The following EPAS1 variants were observed in gnomAD, a reference collection of about 807,000 sequenced individuals.
EPAS1 encodes the protein endothelial PAS domain-containing protein 1.
A neutral mutation model predicts 87.9 loss-of-function variants in EPAS1; 23 were observed. The ratio of observed to expected loss-of-function variants is 0.26; its 90% confidence interval spans 0.19 to 0.37. The LOEUF (loss-of-function observed/expected upper bound fraction) is 0.37. Among genes scored for constraint, EPAS1 ranks in the 10% least tolerant of loss-of-function variants. EPAS1 has a pLI of 1.00. For synonymous variants in EPAS1, 508 were observed against 444.3 expected (o/e 1.14, Z -1.80); for missense variants, 1,138 against 1,120.7 (o/e 1.02, Z -0.22).
At chr2:46,350,100 C>T (rs1048084422) in intron 2 of EPAS1, among the ~76,000 whole-genome samples, 6 of 152,146 alleles carry the variant, frequency 3.9e-5, no homozygotes, top group Non-Finnish European at 7.4e-5. Flanking sequence ...TTATTATGAA[C>T]AAATATATTG....
At chr2:46,356,615 C>A (rs993538507) in intron 3 of EPAS1, 109 bp from the exon 4 acceptor site, 4 of 896,538 alleles carry the variant, frequency 4.5e-6, no homozygotes, top group East Asian at 2.4e-5. Flanking sequence ...TGAGAAAACC[C>A]AATTCAGTCT....
chr2:46,319,657 A>C (rs1438763829), intron 1 of EPAS1, among the ~76,000 whole-genome samples: 1 of 152,188 alleles, frequency 6.6e-6, no homozygotes, highest in Non-Finnish European at 1.5e-5. Context: ...GCATAGATTT[A>C]CAGTAAACTT....
intron 1 of EPAS1, among the ~76,000 whole-genome samples, chr2:46,336,816 T>C (rs1177491042): frequency 2.0e-5 from 3 of 152,210 alleles, no homozygotes; most frequent in African/African-American, 7.2e-5. Context: ...CAGATCCTAC[T>C]GAGCCTGCAC....
In EPAS1 at chr2:46,380,840, C is replaced by T; in HGVS notation, c.2045+123C>T. The T allele has an allele frequency of 6.6e-7, 1 of 1,517,850 alleles. No homozygotes were observed. Among genetic ancestry groups the T allele is most frequent in the Non-Finnish European group, 9.0e-7 (1 of 1,114,362 alleles). The allele number at this position is 1,517,850 out of a possible 1,614,324, so 94.0% of individuals were successfully genotyped here. On this transcript the variant is annotated intron_variant, in intron 12 of 15. Coordinates refer to ENST00000263734, the MANE Select transcript of EPAS1 (RefSeq NM_001430.5). This position sits in a 1 kb window ranked among gnomAD's most constrained non-coding sequence, Gnocchi z 4.4. ...CAGCCATCTGATACCCCATTTAGCC[C>T]TTCTCTGAGCTCAGACTTTGGGGAA...
At chr2:46,312,753 C>A (rs931081659) in intron 1 of EPAS1, among the ~76,000 whole-genome samples, 3 of 152,118 alleles carry the variant, frequency 2.0e-5, no homozygotes, top group Non-Finnish European at 4.4e-5. Context: ...TGCCCATACC[C>A]TGAGATGTGA....
intron 1 of EPAS1, among the ~76,000 whole-genome samples, chr2:46,322,128 G>C (rs928691482): frequency 1.3e-5 from 2 of 152,076 alleles, no homozygotes; most frequent in African/African-American, 4.8e-5. Flanking sequence ...TCTTCTTGGG[G>C]GAGGAAATCT....
chr2:46,369,364 C>T (rs1042761515), intron 6 of EPAS1, among the ~76,000 whole-genome samples: 1 of 152,160 alleles, frequency 6.6e-6, no homozygotes, highest in African/African-American at 2.4e-5. Context: ...ATTTATACTG[C>T]CTTCTACTAG....
In EPAS1 at chr2:46,376,531, C is replaced by A. The variant is rs771240354; in HGVS notation, c.1035-8C>A. ...GGAAAGTCTGAATGGCTCTTTCCCC[C>A]CCATTAGTGAGATTGAGAAGAATGA... On this transcript the variant is annotated splice_region_variant and splice_polypyrimidine_tract_variant and intron_variant, in intron 8 of 15. Transcript: ENST00000263734. The A allele has an allele frequency of 5.0e-6, 8 of 1,613,586 alleles. No homozygotes were observed. The African/African-American group carries it at 8.0e-5, about 16-fold the overall frequency.
chr2:46,366,120 G>A (rs1252810400), intron 6 of EPAS1, among the ~76,000 whole-genome samples: 4 of 152,250 alleles, frequency 2.6e-5, no homozygotes, highest in African/African-American at 7.2e-5. Flanking sequence ...GTCAGGCACC[G>A]TGGCGCTGCA....
chr2:46,369,093 C>T (rs189726224), intron 6 of EPAS1, among the ~76,000 whole-genome samples: 1 of 152,264 alleles, frequency 6.6e-6, no homozygotes, highest in East Asian at 1.9e-4. Flanking sequence ...ATCTGAGCTG[C>T]CTATTAGAGT....
intron 2 of EPAS1, among the ~76,000 whole-genome samples, chr2:46,349,084 G>A (rs1288870786): frequency 6.6e-6 from 1 of 152,184 alleles, no homozygotes; most frequent in East Asian, 1.9e-4. Flanking sequence ...GACAGCAAGA[G>A]CATTTTGTAA....
Position 46,347,979 on chromosome 2 carries a change from G to GT in EPAS1, c.217+917dup, listed in dbSNP as rs1363036114. On this transcript the variant is annotated intron_variant, in intron 2 of 15. Coordinates refer to ENST00000263734, the MANE Select transcript of EPAS1 (RefSeq NM_001430.5). This position sits in a 1 kb window ranked among gnomAD's most constrained non-coding sequence, Gnocchi z 4.2. ...GCACTCAGGGAGGGAAGGTTCTTTT[G>GT]TGGTTGTTTTTCAGTTTTCCGGAGT... Among the ~76,000 whole-genome samples, 3 of 152,162 alleles carry GT rather than the reference G, an allele frequency of 2.0e-5. No homozygotes were observed. Among genetic ancestry groups the GT allele is most frequent in the African/African-American group, 7.2e-5 (3 of 41,438 alleles).
intron 6 of EPAS1, among the ~76,000 whole-genome samples, chr2:46,364,359 T>C (rs17035068): frequency 0.02 from 3,012 of 152,118 alleles, 91 homozygotes; most frequent in African/African-American, 0.067. Context: ...GTCTTATATA[T>C]ACTGAGACCA....
rs1684711212 is a variant in EPAS1 at position 46,375,179 on chromosome 2, A to T, written c.887-511A>T. 3.7e-5 allele frequency among the ~76,000 whole-genome samples: 2 copies of T among 53,844 alleles called. No individual in the cohort carries two copies. Among genetic ancestry groups the T allele is most frequent in the African/African-American group, 1.1e-4 (2 of 18,688 alleles). The allele number at this position is 53,844 out of a possible 152,430, so 35.3% of individuals were successfully genotyped here. On this transcript the variant is annotated intron_variant, in intron 7 of 15. Coordinates refer to ENST00000263734, the MANE Select transcript of EPAS1 (RefSeq NM_001430.5). This position sits in a 1 kb window ranked among gnomAD's most constrained non-coding sequence, Gnocchi z 4.1. The stretch of plus-strand genomic sequence containing the variant: ...CAGGGTATTGGTGGTGGGTCTGCTG[A>T]AAAAAAAAAACAAAAAAAAACAAAA...
At chr2:46,376,795 G>T in intron 9 of EPAS1, 42 bp downstream of exon 9, 1 of 1,605,390 alleles carries the variant, frequency 6.2e-7, no homozygotes, top group Non-Finnish European at 8.5e-7. Flanking sequence ...GAACCCCGTT[G>T]GGGCTGGGAA....
intron 1 of EPAS1, among the ~76,000 whole-genome samples, chr2:46,327,188 C>T (rs886647351): frequency 5.3e-5 from 8 of 152,050 alleles, no homozygotes; most frequent in African/African-American, 1.5e-4. Flanking sequence ...TCTAAAGTGC[C>T]GTGATTTCAT....
At position 46,347,171 on chromosome 2, in the gene EPAS1, G is replaced by A. The variant is rs1047541878; in HGVS notation, c.217+108G>A. 1.1e-5 allele frequency: 14 copies of A among 1,242,904 alleles called. No individual in the cohort carries two copies. The African/African-American group carries it at 1.9e-4, about 17-fold the overall frequency. The allele number at this position is 1,242,904 out of a possible 1,614,324, so 77.0% of individuals were successfully genotyped here. On this transcript the variant is annotated intron_variant, in intron 2 of 15. Coordinates refer to ENST00000263734, the MANE Select transcript of EPAS1 (RefSeq NM_001430.5). The surrounding 1 kb of genome is among the most constrained non-coding windows in gnomAD (Gnocchi z 4.2). Reference sequence around the variant, plus strand: ...AGAGCTGGAAAGTCACCCCACTACAGAACTTTCACCCACAGAAACACCATC... The same window carrying A: ...AGAGCTGGAAAGTCACCCCACTACAAAACTTTCACCCACAGAAACACCATC...
At position 46,381,322 on chromosome 2, in the gene EPAS1, G is replaced by A. The variant is rs901987853; in HGVS notation, c.2046-274G>A. 9.9e-6 allele frequency: 5 copies of A among 506,958 alleles called. 1 individual carries two copies. In the South Asian group the frequency reaches 1.0e-4, roughly 10 times the overall value. The allele number at this position is 506,958 out of a possible 1,614,324, so 31.4% of individuals were successfully genotyped here. On this transcript the variant is annotated intron_variant, in intron 12 of 15. Transcript: ENST00000263734. The stretch of plus-strand genomic sequence containing the variant: ...AGCAAAAGGCAGAGGAGAGACATGG[G>A]CAGAAGAAACCCTCCTAAGGACTAA...
At chr2:46,301,824 G>GAAAAA (rs3053640) in intron 1 of EPAS1, among the ~76,000 whole-genome samples, 3 of 131,392 alleles carry the variant, frequency 2.3e-5, no homozygotes, top group Non-Finnish European at 4.8e-5. Context: ...TTTGCTTTTT[G>GAAAAA]AAAAAAAAAA....
Sources: gnomAD v4.1 joint callset for allele counts (sites outside exome capture counted in the v4.1 genomes callset) on GRCh38, gnomAD v4.1.1 for gene constraint, Gnocchi (gnomAD v3.1) non-coding constraint, MANE v1.5 for transcripts, NCBI Gene and HGNC (gene_info 2026-07-23, HGNC 2026-07-21) for gene names.